The following ABCF3 variants were observed in gnomAD, a reference collection of about 807,000 sequenced individuals.
ABCF3 encodes the protein ATP binding cassette subfamily F member 3.
Under a neutral mutation model 94.3 loss-of-function variants are expected in ABCF3, and 62 were observed. That is an observed-to-expected ratio of 0.66 (90% CI 0.54 to 0.81). The LOEUF is 0.81. Among genes scored for constraint, ABCF3 ranks in the 40% least tolerant of loss-of-function variants. ABCF3 has a pLI of 0.00. For missense variants in ABCF3, 843 were observed against 925.3 expected (o/e 0.91, Z 1.15); for synonymous variants, 355 against 361.1 (o/e 0.98, Z 0.19).
At chr3:184,186,997 T>C (rs1715669445) in intron 3 of ABCF3, 122 bp downstream of exon 3, 5 of 1,054,920 alleles carry the variant, frequency 4.7e-6, no homozygotes, top group Non-Finnish European at 6.8e-6. Context: ...AGGAGCTAGT[T>C]GATGTCTTTA....
chr3:184,186,220 G>C lies in ABCF3; in HGVS notation c.13G>C (p.Ala5Pro), dbSNP rs752511727. 22 of 1,614,190 alleles carry C rather than the reference G, an allele frequency of 1.4e-5. No homozygotes were observed. The highest frequency in any genetic ancestry group is 2.7e-5 in the African/African-American group (2 of 75,082). Residue 5 changes from alanine to proline, a missense_variant, in exon 1 of 21, where the codon GCC becomes CCC. By Grantham distance (27) the Ala-to-Pro change is conservative (BLOSUM62 -1). Transcript: ENST00000429586. MATC[A>P]EILRSEFPEI... ...TCCTGAGTGGAACATGGCGACTTGC[G>C]CCGAAATCCTGCGGAGCGAGTTCCC...
chr3:184,187,326 C>T lies in ABCF3; in HGVS notation c.302-71C>T, dbSNP rs750308851. 100 of 1,570,098 alleles carry T rather than the reference C, an allele frequency of 6.4e-5. 1 individual carries two copies. Among genetic ancestry groups the T allele is most frequent in the Non-Finnish European group, 8.3e-5 (95 of 1,142,340 alleles). ...AAACATCTGTGTCTGTGCCTGGTTC[C>T]TATTAGTCACTCAAAATGTTAGTTT... On this transcript the variant is annotated intron_variant, in intron 3 of 20. Coordinates refer to ENST00000429586, the MANE Select transcript of ABCF3 (RefSeq NM_018358.3).
chr3:184,190,110 G>A, intron 14 of ABCF3, 179 bp downstream of exon 14: 1 of 643,890 alleles, frequency 1.6e-6, no homozygotes. Flanking sequence ...ATCTTGACTA[G>A]CACATGGCAA....
chr3:184,186,473 C>T (rs761869381), intron 1 of ABCF3, 34 bp from the exon 2 acceptor site: 3 of 1,595,086 alleles, frequency 1.9e-6, no homozygotes, highest in Non-Finnish European at 2.6e-6. Context: ...CCACCCTACC[C>T]GATACCTTCC....
Position 184,189,905 on chromosome 3 carries a change from G to C in ABCF3, c.1365G>C (p.Gln455His). ...RYNANRASQV[Q>H]SKLKMLEKLP... ...ATGCCAACAGGGCCTCTCAAGTGCA[G>C]AGTAAACTCAAGATGCTGGAGAAGC... The change falls in exon 14 of 21, where the codon CAG becomes CAC. Residue 455 changes from glutamine to histidine, a missense_variant. By Grantham distance (24) the Gln-to-His change is conservative (BLOSUM62 0). Coordinates refer to ENST00000429586, the MANE Select transcript of ABCF3 (RefSeq NM_018358.3). 1.2e-6 allele frequency: 2 copies of C among 1,614,238 alleles called. No individual in the cohort carries two copies. Among genetic ancestry groups the C allele is most frequent in the Non-Finnish European group, 1.7e-6 (2 of 1,180,048 alleles).
chr3:184,193,905 G>A lies in ABCF3; in HGVS notation c.*207G>A. 1 of 628,496 alleles carries A rather than the reference G, an allele frequency of 1.6e-6. No individual in the cohort carries two copies. The highest frequency in any genetic ancestry group is 2.6e-6 in the Non-Finnish European group (1 of 379,022). The allele number at this position is 628,496 out of a possible 1,614,324, so 38.9% of individuals were successfully genotyped here. A position where few individuals can be genotyped will look rare whatever the true frequency, so the allele number is the denominator to read the frequency against. ...GGTGAGGACTGGTCTCCCGGGGGTG[G>A]GGGTCTGGGGGGTACCCTCTGGGGT... is the stretch of plus-strand genomic sequence containing the variant. On this transcript the variant is annotated 3_prime_UTR_variant, in exon 21 of 21. Transcript: ENST00000429586. The surrounding 1 kb of genome is among the most constrained non-coding windows in gnomAD (Gnocchi z 5.2).
At chr3:184,187,060 C>A in intron 3 of ABCF3, 185 bp downstream of exon 3, 1 of 669,834 alleles carries the variant, frequency 1.5e-6, no homozygotes. Context: ...GAGGGTTCTC[C>A]CTCCAAGCTC....
At position 184,190,992 on chromosome 3, in the gene ABCF3, C is replaced by T; in HGVS notation, c.1392-7C>T. 1 of 1,614,120 alleles carries T rather than the reference C, an allele frequency of 6.2e-7. No individual in the cohort carries two copies. Among genetic ancestry groups the T allele is most frequent in the Non-Finnish European group, 8.5e-7 (1 of 1,180,006 alleles). ...ATAAATCTAGTCTACCTCATCTCTTCTCCCAGGCCTGAGCTGAAGCCTGTG... is the reference window on the plus strand; with the variant it reads ...ATAAATCTAGTCTACCTCATCTCTTTTCCCAGGCCTGAGCTGAAGCCTGTG... On this transcript the variant is annotated splice_polypyrimidine_tract_variant and splice_region_variant and intron_variant, in intron 14 of 20. Coordinates refer to ENST00000429586, the MANE Select transcript of ABCF3 (RefSeq NM_018358.3).
In ABCF3 at chr3:184,191,119, G is replaced by T. The variant is rs1452630716; in HGVS notation, c.1437-4G>T. 1.9e-6 allele frequency: 3 copies of T among 1,614,082 alleles called. No homozygotes were observed. The highest frequency in any genetic ancestry group is 1.6e-4 in the Middle Eastern group (1 of 6,084). On this transcript the variant is annotated splice_region_variant and splice_polypyrimidine_tract_variant and intron_variant, in intron 15 of 20. Transcript: ENST00000429586. ...CCCCACATCCTCACCCCTACCTCCTGCAGGTTCCCTGATGGGTTTGAGAAG... is the reference window on the plus strand; with the variant it reads ...CCCCACATCCTCACCCCTACCTCCTTCAGGTTCCCTGATGGGTTTGAGAAG...
In ABCF3 at chr3:184,193,153, G is replaced by C. The variant is rs1716136678; in HGVS notation, c.1802G>C (p.Gly601Ala). Residue 601 changes from glycine (G) to alanine (A), a missense_variant, in exon 19 of 21, where the codon GGA becomes GCA. Coordinates refer to ENST00000429586, the MANE Select transcript of ABCF3 (RefSeq NM_018358.3). This position sits in a 1 kb window ranked among gnomAD's most constrained non-coding sequence, Gnocchi z 5.2. ...RHQLGRYGIS[G>A]ELAMRPLASL... Reference sequence around the variant, plus strand: ...CAGCTGGGTCGGTATGGCATCTCCGGAGAACTGGCCATGCGTCCTCTTGCC... The same window carrying C: ...CAGCTGGGTCGGTATGGCATCTCCGCAGAACTGGCCATGCGTCCTCTTGCC... The C allele has an allele frequency of 1.3e-6, 2 of 1,564,984 alleles. No individual in the cohort carries two copies. Among genetic ancestry groups the C allele is most frequent in the Admixed American group, 1.9e-5 (1 of 52,850 alleles).
At chr3:184,188,638 C>T in intron 7 of ABCF3, 123 bp from the exon 8 acceptor site, 1 of 1,121,236 alleles carries the variant, frequency 8.9e-7, no homozygotes, top group Non-Finnish European at 1.3e-6. Context: ...TGTGCAAACC[C>T]TTCCTGTATT....
chr3:184,188,709 A>T, intron 7 of ABCF3, 52 bp from the exon 8 acceptor site: 1 of 1,573,440 alleles, frequency 6.4e-7, no homozygotes, highest in African/African-American at 1.4e-5. Flanking sequence ...GGTGCAGGAC[A>T]TCCTCCTAGA....
chr3:184,186,727 G>A lies in ABCF3; in HGVS notation c.222-69G>A, dbSNP rs970813133. 21 of 1,591,862 alleles carry A rather than the reference G, an allele frequency of 1.3e-5. No homozygotes were observed. The South Asian group carries it at 2.3e-4, about 17-fold the overall frequency. ...GGTCCGGAGACAAGAGGTGGGGGAG[G>A]AAGATCTGATGGCCATAGAGCTTTT... is the stretch of plus-strand genomic sequence containing the variant. On this transcript the variant is annotated intron_variant, in intron 2 of 20. Coordinates refer to ENST00000429586, the MANE Select transcript of ABCF3 (RefSeq NM_018358.3).
intron 3 of ABCF3, 90 bp from the exon 4 acceptor site, chr3:184,187,307 C>T (rs936339016): frequency 6.9e-7 from 1 of 1,449,686 alleles, no homozygotes; most frequent in Non-Finnish European, 9.6e-7. Flanking sequence ...TAGAAAACAT[C>T]TGTGTCTGTG....
rs556984961 is a variant in ABCF3 at position 184,192,591 on chromosome 3, G to A, written c.1570-10G>A. 2.5e-6 allele frequency: 4 copies of A among 1,605,454 alleles called. No homozygotes were observed. The highest frequency in any genetic ancestry group is 2.7e-5 in the African/African-American group (2 of 74,330). On this transcript the variant is annotated splice_polypyrimidine_tract_variant and intron_variant, in intron 16 of 20. Transcript: ENST00000429586. ...GGCACACACTGTATGACATTTTCAT[G>A]TTTCTTAAGGTTGGAGAGAATGGGG...
chr3:184,191,768 G>A (rs1716044571), intron 16 of ABCF3, among the ~76,000 whole-genome samples: 1 of 62,782 alleles, frequency 1.6e-5, no homozygotes. Flanking sequence ...TTTTTTCGGA[G>A]ACAGAGTCCT....
rs1212025963 is a variant in ABCF3, at chr3:184,191,216, C to T, written c.1530C>T (p.Arg510=). The T allele has an allele frequency of 1.2e-6, 2 of 1,614,204 alleles. No homozygotes were observed. The highest frequency in any genetic ancestry group is 1.7e-6 in the Non-Finnish European group (2 of 1,180,048). Reference sequence around the variant, plus strand: ...ATCCGAAGCACGTCATCTTCAGTCGCCTCTCTGTGTCTGCTGATCTCGAGT... The same window carrying T: ...ATCCGAAGCACGTCATCTTCAGTCGTCTCTCTGTGTCTGCTGATCTCGAGT... ...YYDPKHVIFS[R]LSVSADLESR... The change falls in exon 16 of 21, where the codon CGC becomes CGT. Residue 510 remains arginine, a synonymous_variant. Transcript: ENST00000429586.
At position 184,189,244 on chromosome 3, in the gene ABCF3, G is replaced by C. The variant is rs843344; in HGVS notation, c.1035-11G>C. On this transcript the variant is annotated splice_polypyrimidine_tract_variant and intron_variant, in intron 10 of 20. Coordinates refer to ENST00000429586, the MANE Select transcript of ABCF3 (RefSeq NM_018358.3). ...GACCTAAAACCTCAGGCCATGTATTGTTTTTCATAGGCCAGATCTTCTGCT... is the reference window on the plus strand; with the variant it reads ...GACCTAAAACCTCAGGCCATGTATTCTTTTTCATAGGCCAGATCTTCTGCT... 841,978 of 1,613,768 alleles carry C rather than the reference G, an allele frequency of 0.52. 220,990 individuals are homozygous for C. The highest frequency in any genetic ancestry group is 0.64 in the East Asian group (28,561 of 44,854).
At chr3:184,188,089 G>T (rs1715757777) in intron 6 of ABCF3, 52 bp from the exon 7 acceptor site, 1 of 1,610,636 alleles carries the variant, frequency 6.2e-7, no homozygotes. Flanking sequence ...CATTAAACTT[G>T]CTGTGCACCT....
Sources: allele counts gnomAD v4.1 joint callset (sites outside exome capture counted in the v4.1 genomes callset), GRCh38; gene constraint gnomAD v4.1.1; non-coding constraint Gnocchi (gnomAD v3.1); transcripts MANE v1.5; gene names NCBI Gene and HGNC (gene_info 2026-07-23, HGNC 2026-07-21).